The following CFAP74 variants were observed in gnomAD, a reference collection of about 807,000 sequenced individuals.
CFAP74 encodes cilia and flagella associated protein 74, also known as cilia- and flagella-associated protein 74.
A neutral mutation model predicts 188.9 loss-of-function variants in CFAP74; 124 were observed. That is an observed-to-expected ratio of 0.66 (90% CI 0.57 to 0.76). CFAP74 has a LOEUF of 0.76. CFAP74 is among the 30% of genes least tolerant of loss of function. The pLI is 0.00. For synonymous variants in CFAP74, 956 were observed against 916.7 expected, an observed-to-expected ratio of 1.04 and a Z score of -0.77; for missense variants, 2,198 against 2,165.2, an observed-to-expected ratio of 1.02 and a Z score of -0.30.
intron 25 of CFAP74, among the ~76,000 whole-genome samples, chr1:1,938,169 A>T (rs1402743180): frequency 3.3e-5 from 5 of 149,858 alleles, no homozygotes; most frequent in African/African-American, 9.9e-5. Flanking sequence ...TCAACCTTAC[A>T]CACCCACATA....
chr1:1,925,663 A>G (rs56383717), intron 33 of CFAP74, 120 bp downstream of exon 33: 91,365 of 1,092,514 alleles, frequency 0.084, 9,551 homozygotes, highest in African/African-American at 0.41. Flanking sequence ...AGAGGGGGCC[A>G]CCTGTGTCCC....
intron 16 of CFAP74, among the ~76,000 whole-genome samples, chr1:1,958,108 C>T (rs555712687): frequency 5.9e-5 from 9 of 152,350 alleles, no homozygotes; most frequent in East Asian, 1.9e-4. Flanking sequence ...CTCTCCACGG[C>T]GACACGCGGT....
In CFAP74 at chr1:1,973,101, C is replaced by T. The variant is rs1398950494; in HGVS notation, c.675-54G>A. 3.0e-6 allele frequency: 4 copies of T among 1,313,284 alleles called. No individual in the cohort carries two copies. The highest frequency in any genetic ancestry group is 3.8e-5 in the Admixed American group (2 of 53,026). 81.4% of individuals were successfully genotyped at this position (1,313,284 alleles called of 1,614,324 possible). The stretch of plus-strand genomic sequence containing the variant: ...AACTCGGCATCACACGTCCCATCTG[C>T]CCCCAAGCCCTGCACGGCTGGAGCT... On this transcript the variant is annotated intron_variant, in intron 7 of 38. Transcript: ENST00000682832. This position sits in a 1 kb window ranked among gnomAD's most constrained non-coding sequence, Gnocchi z 6.2.
chr1:1,964,823 C>T (rs753900321), intron 13 of CFAP74, 65 bp downstream of exon 13: 45 of 1,574,616 alleles, frequency 2.9e-5, no homozygotes, highest in South Asian at 3.4e-5. Context: ...GGTTGGGCTG[C>T]GGCAGGGCTC....
Position 1,923,206 on chromosome 1 carries a change from A to AGCTGGACTCCTGAACTCTGGTT in CFAP74, c.4523-83_4523-62dup. 6.5e-7 allele frequency: 1 copy of AGCTGGACTCCTGAACTCTGGTT among 1,533,866 alleles called. No homozygotes were observed. Among genetic ancestry groups the AGCTGGACTCCTGAACTCTGGTT allele is most frequent in the Non-Finnish European group, 8.8e-7 (1 of 1,139,378 alleles). ...AGGCTGAGGCATGGGGTGAGGCTGCAGCTGGACTCCTGAACTCTGGTTAGC... is the reference window on the plus strand; with the variant it reads ...AGGCTGAGGCATGGGGTGAGGCTGCAGCTGGACTCCTGAACTCTGGTTGCTGGACTCCTGAACTCTGGTTAGC... On this transcript the variant is annotated intron_variant, in intron 36 of 38. Coordinates refer to ENST00000682832, the MANE Select transcript of CFAP74 (RefSeq NM_001304360.2). This position sits in a 1 kb window ranked among gnomAD's most constrained non-coding sequence, Gnocchi z 6.3.
intron 25 of CFAP74, among the ~76,000 whole-genome samples, chr1:1,936,928 A>G (rs1452512992): frequency 6.6e-6 from 1 of 152,056 alleles, no homozygotes; most frequent in Non-Finnish European, 1.5e-5. Context: ...AAAAATTAAA[A>G]TGTAAAAGTT....
At position 1,993,042 on chromosome 1, in the gene CFAP74, A is replaced by G. The variant is rs187619341; in HGVS notation, c.-19-2067T>C. ...ATGGTGAAACCCCATCTCTACTAAA[A>G]ATACAAAAACTAGCCAGGTATGGTG... On this transcript the variant is annotated intron_variant, in intron 1 of 38. Transcript: ENST00000682832. Among the ~76,000 whole-genome samples, 860 of 151,460 alleles carry G rather than the reference A, an allele frequency of 5.7e-3. 4 individuals carry two copies. The highest frequency in any genetic ancestry group is 9.5e-3 in the Non-Finnish European group (648 of 67,886).
At chr1:1,948,887 TTCC>T (rs1653969572) in intron 18 of CFAP74, among the ~76,000 whole-genome samples, 1 of 147,912 alleles carries the variant, frequency 6.8e-6, no homozygotes, top group Admixed American at 6.8e-5. Context: ...CCTTCCTTCC[TTCC>T]CTCCCTCCTT....
At chr1:1,939,341 A>T (rs1171422897) in intron 24 of CFAP74, among the ~76,000 whole-genome samples, 2 of 152,318 alleles carry the variant, frequency 1.3e-5, no homozygotes, top group Non-Finnish European at 2.9e-5. Flanking sequence ...CCAGCAGGGG[A>T]AAGTTTCAGA....
chr1:1,971,011 CAT>C (rs1285496496), intron 9 of CFAP74, among the ~76,000 whole-genome samples, 195 bp from the exon 10 acceptor site: 1 of 150,954 alleles, frequency 6.6e-6, no homozygotes, highest in Non-Finnish European at 1.5e-5. Context: ...CACACCTGCA[CAT>C]GCACACATCA....
intron 8 of CFAP74, 104 bp downstream of exon 8, chr1:1,972,833 C>T: frequency 1.2e-6 from 1 of 830,372 alleles, no homozygotes; most frequent in South Asian, 1.5e-5. Context: ...CAGAGCAAGG[C>T]TCCATCTTAA....
intron 1 of CFAP74, among the ~76,000 whole-genome samples, chr1:2,001,824 T>C (rs1406037881): frequency 1.3e-5 from 2 of 152,056 alleles, no homozygotes; most frequent in Non-Finnish European, 2.9e-5. Flanking sequence ...GGGAATCTAA[T>C]CACGAGGACA....
rs919947642 is a variant in CFAP74 at position 1,968,046 on chromosome 1, G to T, written c.1245+589C>A. 6.6e-6 allele frequency among the ~76,000 whole-genome samples: 1 copy of T among 152,024 alleles called. No individual in the cohort carries two copies. Among genetic ancestry groups the T allele is most frequent in the South Asian group, 2.1e-4 (1 of 4,818 alleles). ...TGAGTGAATGAGTGAATGAATAAGT[G>T]TATCAGTGAGTGAGTGAATGAATGA... On this transcript the variant is annotated intron_variant, in intron 11 of 38. Transcript: ENST00000682832. This position sits in a 1 kb window ranked among gnomAD's most constrained non-coding sequence, Gnocchi z 4.3.
chr1:1,927,731 C>T lies in CFAP74; in HGVS notation c.3403G>A (p.Ala1135Thr), dbSNP rs1420526863. Residue 1135 changes from alanine to threonine, a missense_variant, in exon 28 of 39, where the codon GCC becomes ACC. Physicochemically the swap from Ala to Thr is moderately conservative, Grantham distance 58 (BLOSUM62 0). Transcript: ENST00000682832. ...METKSFRKNMAPQRKDLHGLS... is the reference protein window; with the variant it reads ...METKSFRKNMTPQRKDLHGLS... ...CCATGCAGGTCCTTCCTCTGGGGGG[C>T]CATATTCTTTCGGAACTGTGGGGGG... The T allele has an allele frequency of 6.5e-7, 1 of 1,550,034 alleles. No individual in the cohort carries two copies. Among genetic ancestry groups the T allele is most frequent in the Non-Finnish European group, 8.7e-7 (1 of 1,146,748 alleles).
chr1:1,995,487 G>A (rs1657870906), intron 1 of CFAP74, among the ~76,000 whole-genome samples: 1 of 116,918 alleles, frequency 8.6e-6, no homozygotes, highest in Non-Finnish European at 1.6e-5. Context: ...ATGAGACTCA[G>A]TCTCAAAAAA....
chr1:1,931,432 T>TAAAAA (rs34892654), intron 25 of CFAP74, among the ~76,000 whole-genome samples: 3 of 75,308 alleles, frequency 4.0e-5, no homozygotes, highest in Non-Finnish European at 6.8e-5. Flanking sequence ...CCCATCTCAA[T>TAAAAA]AAAAAAAAAA....
At position 1,940,376 on chromosome 1, in the gene CFAP74, C is replaced by T. The variant is rs1558004897; in HGVS notation, c.2643G>A (p.Arg881=). ...PRHSLPEDAG[R]YFDKETRVLE... ...GGACTCGGGTCTCCTTGTCAAAATA[C>T]CTCCCTGCGTCCTCCGGGAGGGAGT... is the stretch of plus-strand genomic sequence containing the variant. The change falls in exon 23 of 39, where the codon AGG becomes AGA. Residue 881 remains arginine (R), a synonymous_variant. Coordinates refer to ENST00000682832, the MANE Select transcript of CFAP74 (RefSeq NM_001304360.2). The T allele has an allele frequency of 6.5e-7, 1 of 1,535,264 alleles. No homozygotes were observed. The highest frequency in any genetic ancestry group is 1.4e-5 in the African/African-American group (1 of 73,138).
chr1:1,983,512 G>T (rs1050809391), intron 6 of CFAP74, among the ~76,000 whole-genome samples: 1 of 152,194 alleles, frequency 6.6e-6, no homozygotes, highest in East Asian at 1.9e-4. Flanking sequence ...CGCAACGTCC[G>T]CCTGTCACAG....
intron 33 of CFAP74, 51 bp from the exon 34 acceptor site, chr1:1,924,571 C>T: frequency 1.3e-6 from 2 of 1,559,720 alleles, no homozygotes; most frequent in Non-Finnish European, 1.7e-6. Context: ...CCTGGCTGCC[C>T]CCTTCCTGTC....
Sources: allele counts gnomAD v4.1 joint callset (sites outside exome capture counted in the v4.1 genomes callset), GRCh38; gene constraint gnomAD v4.1.1; non-coding constraint Gnocchi (gnomAD v3.1); transcripts MANE v1.5; gene names NCBI Gene and HGNC (gene_info 2026-07-23, HGNC 2026-07-21).